Variants in DTWD2 observed in about 807,000 individuals in gnomAD.
The protein encoded by DTWD2 is DTW motif tRNA-uridine aminocarboxypropyltransferase 2.
A neutral mutation model predicts 31.8 loss-of-function variants in DTWD2; 39 were observed. The ratio of observed to expected loss-of-function variants is 1.22; its 90% CI spans 0.95 to 1.60. DTWD2 has a LOEUF of 1.60. Among genes scored for constraint, DTWD2 ranks in the 40% most tolerant of loss-of-function variants. DTWD2 has a pLI of 0.00. For missense variants in DTWD2, 515 were observed against 381.5 expected (o/e 1.35, Z -2.92); for synonymous variants, 180 against 142.8 (o/e 1.26, Z -1.86).
intron 1 of DTWD2, among the ~76,000 whole-genome samples, chr5:118,971,044 G>A (rs975628060): frequency 2.0e-5 from 3 of 152,146 alleles, no homozygotes; most frequent in Non-Finnish European, 2.9e-5. Context: ...ACTGAAGTAC[G>A]CAAATCAGTG....
At chr5:118,882,387 T>C (rs1443262827) in intron 4 of DTWD2, among the ~76,000 whole-genome samples, 2 of 152,190 alleles carry the variant, frequency 1.3e-5, no homozygotes, top group Admixed American at 6.5e-5. Flanking sequence ...TCCAGGTGCA[T>C]GGTGCAAGCT....
At chr5:118,938,475 C>T (rs1754094866) in intron 3 of DTWD2, among the ~76,000 whole-genome samples, 1 of 152,136 alleles carries the variant, frequency 6.6e-6, no homozygotes, top group African/African-American at 2.4e-5. Flanking sequence ...TGTACTCTAA[C>T]AAAAGCCTAA....
chr5:118,916,118 G>C (rs545429927), intron 4 of DTWD2, among the ~76,000 whole-genome samples: 4 of 152,294 alleles, frequency 2.6e-5, no homozygotes, highest in African/African-American at 9.6e-5. Flanking sequence ...CCAACTGGAA[G>C]ACAGACAACT....
intron 4 of DTWD2, among the ~76,000 whole-genome samples, chr5:118,904,679 A>T (rs1296731760): frequency 6.6e-6 from 1 of 152,142 alleles, no homozygotes; most frequent in Non-Finnish European, 1.5e-5. Context: ...AATTGATAGA[A>T]GAAACAGACA....
At chr5:118,918,333 TA>T (rs756180825) in intron 4 of DTWD2, among the ~76,000 whole-genome samples, 3 of 151,854 alleles carry the variant, frequency 2.0e-5, no homozygotes, top group Admixed American at 6.6e-5. Context: ...GGTTTTTTTT[TA>T]TTTTTTTTTT....
At chr5:118,879,802 G>C (rs1752701664) in intron 4 of DTWD2, among the ~76,000 whole-genome samples, 1 of 152,054 alleles carries the variant, frequency 6.6e-6, no homozygotes, top group Admixed American at 6.6e-5. Context: ...GGGCCTACTG[G>C]AGGGTAGAGA....
At chr5:118,903,883 T>C (rs1218785773) in intron 4 of DTWD2, among the ~76,000 whole-genome samples, 1 of 152,036 alleles carries the variant, frequency 6.6e-6, no homozygotes, top group Non-Finnish European at 1.5e-5. Context: ...AAATAAGTTA[T>C]CTCTAAAAAT....
At chr5:118,982,171 A>C (rs1204312732) in intron 1 of DTWD2, among the ~76,000 whole-genome samples, 1 of 152,222 alleles carries the variant, frequency 6.6e-6, no homozygotes, top group Non-Finnish European at 1.5e-5. Context: ...ACTATTTCTG[A>C]ATATATTATC....
chr5:118,950,213 CAA>C (rs764214153), intron 1 of DTWD2, among the ~76,000 whole-genome samples: 94 of 49,598 alleles, frequency 1.9e-3, no homozygotes, highest in African/African-American at 6.4e-3. Context: ...ACTCCATCTC[CAA>C]AAAAAAAAAA....
chr5:118,910,379 C>A (rs1753432218), intron 4 of DTWD2, among the ~76,000 whole-genome samples: 1 of 152,162 alleles, frequency 6.6e-6, no homozygotes, highest in Non-Finnish European at 1.5e-5. Context: ...TACTTTATAA[C>A]AACAATAGCC....
Position 118,840,918 on chromosome 5 carries a change from T to C in DTWD2, c.896A>G (p.Ter299TrpextTer14), listed in dbSNP as rs1234171224. The change falls in exon 6 of 6, where the codon TAG becomes TGG. Residue 299 changes from the stop codon to tryptophan, a stop_lost. Coordinates refer to ENST00000510708, the MANE Select transcript of DTWD2 (RefSeq NM_173666.4). ...GCTAGCACCAAAAGAATAACTGTAC[T>C]AAATTTTAACACTATTCATTAACAA... ...MELLMNSVKI* is the reference protein window; with the variant it reads ...MELLMNSVKIW The C allele has an allele frequency of 1.9e-6, 3 of 1,612,492 alleles. No homozygotes were observed. The African/African-American group carries it at 4.0e-5, about 22-fold the overall frequency.
chr5:118,909,227 T>C (rs1366116042), intron 4 of DTWD2, among the ~76,000 whole-genome samples: 1 of 152,194 alleles, frequency 6.6e-6, no homozygotes, highest in Non-Finnish European at 1.5e-5. Context: ...TGGCAGGTTG[T>C]GGCCTTCTCA....
chr5:118,848,223 A>G lies in DTWD2; in HGVS notation c.598-5T>C. On this transcript the variant is annotated splice_polypyrimidine_tract_variant and splice_region_variant and intron_variant, in intron 4 of 5. Transcript: ENST00000510708. ...AATGCTAGTTTTTAATTGCACCTGA[A>G]ATCAAAAACAAAATAGAACATAATT... is the stretch of plus-strand genomic sequence containing the variant. 1 of 1,577,154 alleles carries G rather than the reference A, an allele frequency of 6.3e-7. No individual in the cohort carries two copies. The highest frequency in any genetic ancestry group is 8.6e-7 in the Non-Finnish European group (1 of 1,168,414).
chr5:118,950,899 T>C (rs1754448854), intron 1 of DTWD2, among the ~76,000 whole-genome samples: 1 of 152,124 alleles, frequency 6.6e-6, no homozygotes, highest in African/African-American at 2.4e-5. Context: ...AATTTAAGTT[T>C]TGGAGCTTTT....
At chr5:118,970,673 C>A (rs2149598148) in intron 1 of DTWD2, among the ~76,000 whole-genome samples, 1 of 152,136 alleles carries the variant, frequency 6.6e-6, no homozygotes, top group Admixed American at 6.5e-5. Flanking sequence ...AGATCTACCC[C>A]AAGACACGTA....
rs547300358 is a variant in DTWD2 at position 118,882,153 on chromosome 5, G to A, written c.598-33935C>T. On this transcript the variant is annotated intron_variant, in intron 4 of 5. Coordinates refer to ENST00000510708, the MANE Select transcript of DTWD2 (RefSeq NM_173666.4). ...GTTCCCATCCCAAATGGGAGAAATT[G>A]GCCAAAACAAAGGGACCACAGGCCG... is the stretch of plus-strand genomic sequence containing the variant. Among the ~76,000 whole-genome samples, 6 of 152,332 alleles carry A rather than the reference G, an allele frequency of 3.9e-5. No individual in the cohort carries two copies. The South Asian group carries it at 1.0e-3, about 26-fold the overall frequency.
At chr5:118,954,900 T>C (rs1041619222) in intron 1 of DTWD2, among the ~76,000 whole-genome samples, 1 of 152,182 alleles carries the variant, frequency 6.6e-6, no homozygotes, top group African/African-American at 2.4e-5. Flanking sequence ...ATCCCATTCG[T>C]TAATTTTTTT....
chr5:118,876,061 C>T (rs889923342), intron 4 of DTWD2, among the ~76,000 whole-genome samples: 1 of 152,096 alleles, frequency 6.6e-6, no homozygotes, highest in Non-Finnish European at 1.5e-5. Flanking sequence ...TCACTCTAAA[C>T]CATACAATTA....
At chr5:118,885,978 A>AAC (rs200064732) in intron 4 of DTWD2, among the ~76,000 whole-genome samples, 6 of 151,786 alleles carry the variant, frequency 4.0e-5, no homozygotes, top group African/African-American at 7.3e-5. Context: ...GTCTCAAAGA[A>AAC]ACACACACAC....
Sources: allele counts gnomAD v4.1 joint callset (sites outside exome capture counted in the v4.1 genomes callset), GRCh38; gene constraint gnomAD v4.1.1; transcripts MANE v1.5; gene names NCBI Gene and HGNC (gene_info 2026-07-23, HGNC 2026-07-21).